Variants in EPHA6 observed in about 807,000 individuals in gnomAD.
The protein encoded by EPHA6 is ephrin type-A receptor 6.
EPHA6 carries 50 observed loss-of-function variants against 112.0 expected under a neutral mutation model. That is an observed-to-expected ratio of 0.45 (90% confidence interval 0.36 to 0.56). EPHA6 has a LOEUF of 0.56. Ranked by LOEUF, EPHA6 falls within the 20% of genes least tolerant of loss-of-function variation. EPHA6 has a pLI of 0.00. For synonymous variants in EPHA6, 529 were observed against 490.7 expected, an observed-to-expected ratio of 1.08 and a Z score of -1.03; for missense variants, 1,280 against 1,417.4, an observed-to-expected ratio of 0.90 and a Z score of 1.56.
At chr3:97,185,981 A>G (rs944991852) in intron 3 of EPHA6, among the ~76,000 whole-genome samples, 6 of 146,410 alleles carry the variant, frequency 4.1e-5, no homozygotes, top group African/African-American at 1.5e-4. Context: ...CAAACACTGC[A>G]TGTTCTCACT....
intron 2 of EPHA6, among the ~76,000 whole-genome samples, chr3:96,975,330 C>T (rs2042479552): frequency 6.6e-6 from 1 of 152,068 alleles, no homozygotes; most frequent in South Asian, 2.1e-4. Flanking sequence ...ATGAGAAGTG[C>T]AGTTTCTCCA....
rs74697498 is a variant in EPHA6 at position 97,360,249 on chromosome 3, T to G, written c.1607-44901T>G. On this transcript the variant is annotated intron_variant, in intron 5 of 17. Transcript: ENST00000389672. ...CTAAGATCTGAAATCAACTTCAATT[T>G]ATCATCTAAACCTATCACTGAATAT... Among the ~76,000 whole-genome samples the G allele has an allele frequency of 2.9e-4, 44 of 152,282 alleles. No individual in the cohort carries two copies. The East Asian group carries it at 7.4e-3, about 25-fold the overall frequency.
intron 2 of EPHA6, among the ~76,000 whole-genome samples, chr3:96,875,490 C>G (rs1164372514): frequency 3.3e-5 from 5 of 151,994 alleles, no homozygotes; most frequent in Admixed American, 3.3e-4. Flanking sequence ...GTTGAAAGAG[C>G]ATGTTTTGTA....
rs566972976 is a variant in EPHA6, at chr3:97,049,596, T to C, written c.1114+61603T>C. On this transcript the variant is annotated intron_variant, in intron 3 of 17. Transcript: ENST00000389672. Reference sequence around the variant, plus strand: ...CACAAATTATGTGGAAATGTAAGTCTTAGTGAATTTTGGGTCACCATAAAG... The same window carrying C: ...CACAAATTATGTGGAAATGTAAGTCCTAGTGAATTTTGGGTCACCATAAAG... 4.6e-5 allele frequency among the ~76,000 whole-genome samples: 7 copies of C among 152,286 alleles called. No homozygotes were observed. The South Asian group carries it at 1.5e-3, about 32-fold the overall frequency.
At chr3:96,969,892 G>A (rs960966283) in intron 2 of EPHA6, among the ~76,000 whole-genome samples, 2 of 151,900 alleles carry the variant, frequency 1.3e-5, no homozygotes, top group Non-Finnish European at 2.9e-5. Context: ...ACTCTCAGGA[G>A]ATTTGTCTAT....
intron 5 of EPHA6, among the ~76,000 whole-genome samples, chr3:97,339,491 G>A (rs992667291): frequency 5.3e-5 from 8 of 152,112 alleles, no homozygotes; most frequent in Non-Finnish European, 1.2e-4. Context: ...TACAATGGCA[G>A]TAGATTGAAG....
At position 97,592,661 on chromosome 3, in the gene EPHA6, G is replaced by T. The variant is rs1345600380; in HGVS notation, c.2436G>T (p.Arg812Ser). The T allele has an allele frequency of 1.2e-6, 2 of 1,613,438 alleles. No homozygotes were observed. Among genetic ancestry groups the T allele is most frequent in the Non-Finnish European group, 1.7e-6 (2 of 1,179,736 alleles). ...AGGCGTTTTGCCCCAGCTTCCTGAG[G>T]GCAGGGTTTTTAAATAGCATCCAGG... ...GVEAFCPSFLRAGFLNSIQAP... is the reference protein window; with the variant it reads ...GVEAFCPSFLSAGFLNSIQAP... Residue 812 changes from arginine (R) to serine (S), a missense_variant, in exon 12 of 18, where the codon AGG (arginine) becomes AGT (serine). Arg to Ser is a moderately radical substitution (Grantham distance 110). Around this residue, in one of 4 missense-constraint regions of EPHA6, gnomAD observed 878 missense variants for 999.7 expected, o/e 0.88. Transcript: ENST00000389672.
intron 3 of EPHA6, among the ~76,000 whole-genome samples, chr3:97,112,223 G>A (rs960628958): frequency 3.3e-5 from 5 of 152,070 alleles, no homozygotes; most frequent in African/African-American, 4.8e-5. Flanking sequence ...TGATAATTTG[G>A]TATTTTATGT....
chr3:97,286,405 AT>A (rs906488688), intron 5 of EPHA6, among the ~76,000 whole-genome samples: 2 of 152,028 alleles, frequency 1.3e-5, no homozygotes, highest in Non-Finnish European at 2.9e-5. Context: ...TTTGGAGTTG[AT>A]TTTTTTGTAT....
chr3:97,573,867 G>C, intron 11 of EPHA6, among the ~76,000 whole-genome samples: 1 of 151,626 alleles, frequency 6.6e-6, no homozygotes, highest in East Asian at 1.9e-4. Context: ...ATTTTGTATT[G>C]ATTTAATATT....
chr3:97,615,147 A>G (rs1397324101), intron 13 of EPHA6, among the ~76,000 whole-genome samples: 1 of 152,176 alleles, frequency 6.6e-6, no homozygotes, highest in Non-Finnish European at 1.5e-5. Context: ...CAGGAGCAAC[A>G]CAGAGCAACG....
At chr3:97,243,073 G>T (rs1021005271) in intron 4 of EPHA6, among the ~76,000 whole-genome samples, 1 of 151,744 alleles carries the variant, frequency 6.6e-6, no homozygotes, top group East Asian at 1.9e-4. Context: ...TTAAGGAAAG[G>T]CTGGAGTAAT....
At chr3:96,841,133 A>T (rs1258993690) in intron 1 of EPHA6, among the ~76,000 whole-genome samples, 2 of 152,120 alleles carry the variant, frequency 1.3e-5, no homozygotes, top group African/African-American at 2.4e-5. Context: ...ACATTGGCTC[A>T]GTCCAGAAAG....
Position 97,240,193 on chromosome 3 carries a change from A to G in EPHA6, c.1271-3759A>G, listed in dbSNP as rs2078803036. Among the ~76,000 whole-genome samples the G allele has an allele frequency of 2.6e-5, 4 of 151,848 alleles. No individual in the cohort carries two copies. In the South Asian group the frequency reaches 8.3e-4, roughly 31 times the overall value. On this transcript the variant is annotated intron_variant, in intron 4 of 17. Coordinates refer to ENST00000389672, the MANE Select transcript of EPHA6 (RefSeq NM_001080448.3). Reference sequence around the variant, plus strand: ...TCATTGATACGTATGTATCAATATCATATCAGTGAACATGATATTCACTGA... The same window carrying G: ...TCATTGATACGTATGTATCAATATCGTATCAGTGAACATGATATTCACTGA...
intron 8 of EPHA6, among the ~76,000 whole-genome samples, 200 bp downstream of exon 8, chr3:97,475,660 A>C (rs570927156): frequency 1.3e-5 from 2 of 152,114 alleles, no homozygotes; most frequent in Non-Finnish European, 2.9e-5. Context: ...AAGATGACTA[A>C]AGCTGTTTGA....
intron 11 of EPHA6, among the ~76,000 whole-genome samples, chr3:97,566,087 A>C (rs1325743897): frequency 6.6e-6 from 1 of 151,988 alleles, no homozygotes; most frequent in Non-Finnish European, 1.5e-5. Context: ...GCATGGCACC[A>C]ACATCTGTTT....
At chr3:97,621,750 G>A (rs960000462) in intron 13 of EPHA6, among the ~76,000 whole-genome samples, 2 of 151,858 alleles carry the variant, frequency 1.3e-5, no homozygotes, top group Non-Finnish European at 2.9e-5. Context: ...GCATATAACC[G>A]ATTGTGACAA....
chr3:96,819,932 C>T (rs1239987551), intron 1 of EPHA6, among the ~76,000 whole-genome samples: 2 of 152,022 alleles, frequency 1.3e-5, no homozygotes, highest in Non-Finnish European at 2.9e-5. Context: ...AACAAAGACA[C>T]TGAGAAAGTA....
intron 2 of EPHA6, among the ~76,000 whole-genome samples, chr3:96,986,120 T>G: frequency 6.6e-6 from 1 of 152,172 alleles, no homozygotes; most frequent in Admixed American, 6.6e-5. Context: ...CAGTTATAGC[T>G]ATACAAATAA....
Sources: allele counts gnomAD v4.1 joint callset (sites outside exome capture counted in the v4.1 genomes callset), GRCh38; gene constraint gnomAD v4.1.1; regional missense constraint gnomAD v4.1.1; transcripts MANE v1.5; gene names NCBI Gene and HGNC (gene_info 2026-07-23, HGNC 2026-07-21).